The following NCAM2 variants were observed in gnomAD, a reference collection of about 807,000 sequenced individuals.
NCAM2 encodes the protein neural cell adhesion molecule 2.
In NCAM2, 30 loss-of-function variants were observed where a neutral mutation model predicts 98.1. The ratio of observed to expected loss-of-function variants is 0.31; its 90% confidence interval spans 0.23 to 0.41. The LOEUF (loss-of-function observed/expected upper bound fraction) is 0.41, where lower values mean the gene tolerates loss of function less well. Ranked by LOEUF, NCAM2 falls within the 10% of genes least tolerant of loss-of-function variation. The pLI is 1.00. For missense variants in NCAM2, 867 were observed against 1,005.8 expected, an observed-to-expected ratio of 0.86 and a Z score of 1.87; for synonymous variants, 368 against 342.4, an observed-to-expected ratio of 1.07 and a Z score of -0.83.
intron 16 of NCAM2, among the ~76,000 whole-genome samples, chr21:21,527,113 ATTTT>A (rs34914462): frequency 2.1e-5 from 3 of 140,814 alleles, no homozygotes; most frequent in Non-Finnish European, 4.7e-5. Flanking sequence ...TGAAAGAAAG[ATTTT>A]TTTTTTTTTT....
At chr21:21,274,394 T>C (rs551374085) in intron 1 of NCAM2, among the ~76,000 whole-genome samples, 1 of 152,264 alleles carries the variant, frequency 6.6e-6, no homozygotes, top group African/African-American at 2.4e-5. Context: ...CATGAATTCC[T>C]AAAATGTTTG....
At chr21:21,531,197 A>G (rs1989673752) in intron 16 of NCAM2, among the ~76,000 whole-genome samples, 1 of 152,094 alleles carries the variant, frequency 6.6e-6, no homozygotes, top group South Asian at 2.1e-4. Flanking sequence ...TATTACTTGC[A>G]AATATTTATT....
At chr21:21,424,092 T>G (rs2145983526) in intron 11 of NCAM2, among the ~76,000 whole-genome samples, 1 of 152,336 alleles carries the variant, frequency 6.6e-6, no homozygotes, top group Non-Finnish European at 1.5e-5. Flanking sequence ...ATAATCAGTT[T>G]TATGATCTAG....
intron 1 of NCAM2, among the ~76,000 whole-genome samples, chr21:21,142,496 A>T (rs549310975): frequency 1.4e-5 from 2 of 146,588 alleles, no homozygotes; most frequent in South Asian, 4.3e-4. Flanking sequence ...CTCCTGCCTC[A>T]GACTCCGGAG....
chr21:21,009,469 C>T (rs1013203753), intron 1 of NCAM2, among the ~76,000 whole-genome samples: 11 of 151,886 alleles, frequency 7.2e-5, no homozygotes, highest in African/African-American at 2.7e-4. Flanking sequence ...AAACTGAAAT[C>T]GTTCTGTAAG....
intron 1 of NCAM2, among the ~76,000 whole-genome samples, chr21:21,151,681 A>G (rs2067452891): frequency 6.6e-6 from 1 of 152,028 alleles, no homozygotes; most frequent in Non-Finnish European, 1.5e-5. Context: ...CGTTATATCT[A>G]ATCATGTTGT....
At chr21:21,103,151 G>T (rs1226172950) in intron 1 of NCAM2, among the ~76,000 whole-genome samples, 1 of 152,074 alleles carries the variant, frequency 6.6e-6, no homozygotes, top group Non-Finnish European at 1.5e-5. Flanking sequence ...TTACAAAACA[G>T]CTATTATTGG....
intron 1 of NCAM2, among the ~76,000 whole-genome samples, chr21:21,084,933 G>A (rs985430): frequency 0.62 from 93,473 of 151,954 alleles, 31,109 homozygotes; most frequent in Non-Finnish European, 0.73. Context: ...ATGCTTGAAT[G>A]TTGGGCTTCA....
intron 16 of NCAM2, among the ~76,000 whole-genome samples, chr21:21,529,353 T>A (rs1399572602): frequency 3.3e-5 from 5 of 152,156 alleles, no homozygotes; most frequent in Non-Finnish European, 7.4e-5. Context: ...ATTTTCAATA[T>A]TAAATTTGTT....
intron 9 of NCAM2, among the ~76,000 whole-genome samples, chr21:21,387,113 C>T (rs917068840): frequency 2.6e-5 from 4 of 151,678 alleles, no homozygotes; most frequent in East Asian, 1.9e-4. Context: ...GATGCTAGCA[C>T]GGTTGGGTGA....
At chr21:21,266,713 G>A (rs1305011355) in intron 1 of NCAM2, among the ~76,000 whole-genome samples, 2 of 151,930 alleles carry the variant, frequency 1.3e-5, no homozygotes, top group Admixed American at 1.3e-4. Flanking sequence ...ACACACCGGG[G>A]CCTGTTGTGG....
intron 1 of NCAM2, among the ~76,000 whole-genome samples, chr21:21,266,055 C>T (rs2072258350): frequency 6.6e-6 from 1 of 151,988 alleles, no homozygotes; most frequent in South Asian, 2.1e-4. Context: ...GTAATAGTCA[C>T]CTTTCTTTAG....
intron 8 of NCAM2, among the ~76,000 whole-genome samples, chr21:21,369,582 G>T (rs1183801413): frequency 6.6e-6 from 1 of 151,734 alleles, no homozygotes; most frequent in Non-Finnish European, 1.5e-5. Flanking sequence ...GGGCATGAGG[G>T]TGCCAATTTC....
At chr21:21,482,500 A>G (rs1985979958) in intron 15 of NCAM2, among the ~76,000 whole-genome samples, 1 of 151,998 alleles carries the variant, frequency 6.6e-6, no homozygotes, top group South Asian at 2.1e-4. Context: ...TGCATTGTAG[A>G]CTGTCAAAAT....
intron 1 of NCAM2, among the ~76,000 whole-genome samples, chr21:21,034,653 TAA>T (rs765522281): frequency 6.6e-6 from 1 of 152,168 alleles, no homozygotes; most frequent in East Asian, 1.9e-4. Flanking sequence ...GAAAGAAACT[TAA>T]GTTTTAGAAT....
intron 1 of NCAM2, among the ~76,000 whole-genome samples, chr21:21,071,118 G>C (rs1435941371): frequency 2.6e-5 from 4 of 152,050 alleles, no homozygotes; most frequent in Non-Finnish European, 4.4e-5. Context: ...ATGAGATAAA[G>C]GTTTCAGTGT....
At chr21:21,006,071 C>T (rs1484292277) in intron 1 of NCAM2, among the ~76,000 whole-genome samples, 3 of 152,248 alleles carry the variant, frequency 2.0e-5, no homozygotes, top group South Asian at 4.1e-4. Flanking sequence ...TTTAGGCTGA[C>T]GCTCACATTT....
At chr21:21,522,974 C>T (rs1252215247) in intron 16 of NCAM2, among the ~76,000 whole-genome samples, 1 of 152,108 alleles carries the variant, frequency 6.6e-6, no homozygotes, top group African/African-American at 2.4e-5. Context: ...AAACTCAGGT[C>T]TCCAAATCAT....
chr21:21,191,020 C>T (rs1371575891), intron 1 of NCAM2, among the ~76,000 whole-genome samples: 1 of 152,078 alleles, frequency 6.6e-6, no homozygotes, highest in Non-Finnish European at 1.5e-5. Context: ...TGTCAAACTA[C>T]CATCTAAAAG....
Sources: gnomAD v4.1 joint callset for allele counts (sites outside exome capture counted in the v4.1 genomes callset) on GRCh38, gnomAD v4.1.1 for gene constraint, MANE v1.5 for transcripts, NCBI Gene and HGNC (gene_info 2026-07-23, HGNC 2026-07-21) for gene names.